The following THSD7B variants were observed in gnomAD, a reference collection of about 807,000 sequenced individuals.
The protein encoded by THSD7B is thrombospondin type 1 domain containing 7B, also known as thrombospondin type-1 domain-containing protein 7B.
A neutral mutation model predicts 213.6 loss-of-function variants in THSD7B; 138 were observed. That is an observed-to-expected ratio of 0.65 (90% confidence interval 0.56 to 0.74). The LOEUF is 0.74. Among genes scored for constraint, THSD7B ranks in the 30% least tolerant of loss-of-function variants. The probability of loss-of-function intolerance (pLI) is 0.00; values close to 1 mark genes in which losing one functional copy is unlikely to be tolerated. For missense variants in THSD7B, 1,931 were observed against 1,991.5 expected (o/e 0.97, Z 0.58); for synonymous variants, 742 against 687.0 (o/e 1.08, Z -1.25).
At chr2:137,672,183 T>C (rs1683592591) in intron 27 of THSD7B, among the ~76,000 whole-genome samples, 1 of 152,214 alleles carries the variant, frequency 6.6e-6, no homozygotes, top group African/African-American at 2.4e-5. Context: ...AAAAATCTAA[T>C]ATTTATATGT....
At chr2:137,055,813 C>T (rs1307665386) in intron 2 of THSD7B, among the ~76,000 whole-genome samples, 1 of 152,140 alleles carries the variant, frequency 6.6e-6, no homozygotes, top group African/African-American at 2.4e-5. Flanking sequence ...TATTTTCATG[C>T]AATTCTCTCT....
chr2:137,655,684 G>A (rs775623841), intron 22 of THSD7B, 24 bp downstream of exon 22: 121 of 1,606,886 alleles, frequency 7.5e-5, no homozygotes, highest in Non-Finnish European at 8.9e-5. Flanking sequence ...GTGATTGGGA[G>A]CGCCTCCCAT....
chr2:136,878,087 C>T (rs2104987693), intron 1 of THSD7B, among the ~76,000 whole-genome samples: 1 of 152,244 alleles, frequency 6.6e-6, no homozygotes, highest in East Asian at 1.9e-4. Context: ...CACCCCACAA[C>T]AGGTCCCAGT....
At chr2:137,460,561 T>C (rs1169234159) in intron 15 of THSD7B, among the ~76,000 whole-genome samples, 1 of 152,140 alleles carries the variant, frequency 6.6e-6, no homozygotes, top group Non-Finnish European at 1.5e-5. Flanking sequence ...AAAGCTGTTG[T>C]CACTGCTTCC....
chr2:136,836,843 T>C (rs948511157), intron 1 of THSD7B, among the ~76,000 whole-genome samples: 4 of 152,184 alleles, frequency 2.6e-5, no homozygotes, highest in Non-Finnish European at 4.4e-5. Context: ...TGATGGGTAT[T>C]AATTTCTGTT....
intron 2 of THSD7B, among the ~76,000 whole-genome samples, chr2:136,899,111 T>G (rs1684017971): frequency 6.6e-6 from 1 of 152,130 alleles, no homozygotes; most frequent in Admixed American, 6.5e-5. Flanking sequence ...AATAGACTAT[T>G]AAGTGATATC....
At chr2:137,473,290 G>C (rs542221099) in intron 15 of THSD7B, among the ~76,000 whole-genome samples, 69 of 151,962 alleles carry the variant, frequency 4.5e-4, no homozygotes, top group Non-Finnish European at 8.7e-4. Flanking sequence ...TGCGATCTCA[G>C]CTCACTGCAG....
intron 17 of THSD7B, among the ~76,000 whole-genome samples, chr2:137,613,652 C>T (rs1682327764): frequency 6.6e-6 from 1 of 152,130 alleles, no homozygotes; most frequent in Non-Finnish European, 1.5e-5. Flanking sequence ...TAGTTATTCA[C>T]ACATCATTTT....
At chr2:137,449,316 A>G (rs551252036) in intron 14 of THSD7B, among the ~76,000 whole-genome samples, 22 of 152,218 alleles carry the variant, frequency 1.4e-4, no homozygotes, top group Non-Finnish European at 2.5e-4. Context: ...AGGAGGGTCT[A>G]AGATAACTGG....
chr2:137,363,829 C>T (rs111290263), intron 12 of THSD7B, among the ~76,000 whole-genome samples: 7,306 of 152,254 alleles, frequency 0.048, 531 homozygotes, highest in African/African-American at 0.16. Context: ...GAGCTGGTAC[C>T]ATTCTTTCTG....
intron 4 of THSD7B, among the ~76,000 whole-genome samples, chr2:137,110,700 A>G (rs1041867244): frequency 1.5e-4 from 23 of 152,208 alleles, no homozygotes; most frequent in African/African-American, 5.5e-4. Flanking sequence ...GAATTTACAC[A>G]ATTAGAGATT....
At position 137,231,061 on chromosome 2, in the gene THSD7B, A is replaced by G. The variant is rs199973142; in HGVS notation, c.1741A>G (p.Ser581Gly). Residue 581 changes from serine to glycine, a missense_variant, in exon 8 of 28, where the codon AGT (serine) becomes GGT (glycine). Ser to Gly is a moderately conservative substitution (Grantham distance 56). Coordinates refer to ENST00000409968, the MANE Select transcript of THSD7B (RefSeq NM_001316349.2). ...GATTGTAGGAGAAGATGTATCAGGGAGTCTTTGCCCAGTTCCCCCTCCTCC... is the reference window on the plus strand; with the variant it reads ...GATTGTAGGAGAAGATGTATCAGGGGGTCTTTGCCCAGTTCCCCCTCCTCC... ...QNDRGEDVSG[S>G]LCPVPPPPER... The G allele has an allele frequency of 6.2e-6, 10 of 1,613,324 alleles. No individual in the cohort carries two copies. Among genetic ancestry groups the G allele is most frequent in the Middle Eastern group, 1.7e-4 (1 of 5,860 alleles).
chr2:137,547,422 T>G (rs1680763196), intron 15 of THSD7B, among the ~76,000 whole-genome samples: 1 of 152,008 alleles, frequency 6.6e-6, no homozygotes, highest in African/African-American at 2.4e-5. Context: ...TATACTTTTC[T>G]ACAGTAGAAG....
chr2:137,271,424 T>TATATAATATATATAATATAATATATA lies in THSD7B; in HGVS notation c.2267-1096_2267-1071dup, dbSNP rs1558737540. 3.7e-4 allele frequency among the ~76,000 whole-genome samples: 50 copies of TATATAATATATATAATATAATATATA among 135,908 alleles called. 2 individuals are homozygous for TATATAATATATATAATATAATATATA. The highest frequency in any genetic ancestry group is 5.8e-4 in the Non-Finnish European group (38 of 65,130). The allele number at this position is 135,908 out of a possible 152,430, so 89.2% of individuals were successfully genotyped here. On this transcript the variant is annotated intron_variant, in intron 10 of 27. Coordinates refer to ENST00000409968, the MANE Select transcript of THSD7B (RefSeq NM_001316349.2). ...ATATATATGAATTATAATATATAATTATATAATATATATAATATAATATAT... is the reference window on the plus strand; with the variant it reads ...ATATATATGAATTATAATATATAATTATATAATATATATAATATAATATATAATATAATATATATAATATAATATAT...
chr2:137,002,082 C>T (rs115907783), intron 2 of THSD7B, among the ~76,000 whole-genome samples: 46 of 152,146 alleles, frequency 3.0e-4, no homozygotes, highest in Non-Finnish European at 5.9e-4. Flanking sequence ...TTTTGCCTTC[C>T]GCATATGACT....
rs151139662 is a variant in THSD7B at position 137,212,912 on chromosome 2, C to T, written c.1724-18132C>T. On this transcript the variant is annotated intron_variant, in intron 7 of 27. Coordinates refer to ENST00000409968, the MANE Select transcript of THSD7B (RefSeq NM_001316349.2). ...CAAAGTAGAACTAGAATACTTTCCT[C>T]GATAGTTGATACTGGATAAAAGTTC... Among the ~76,000 whole-genome samples, 53 of 151,084 alleles carry T rather than the reference C, an allele frequency of 3.5e-4. No homozygotes were observed. The East Asian group carries it at 9.8e-3, about 28-fold the overall frequency.
chr2:137,302,864 A>G (rs1045579826), intron 12 of THSD7B, among the ~76,000 whole-genome samples: 2 of 152,132 alleles, frequency 1.3e-5, no homozygotes, highest in Non-Finnish European at 2.9e-5. Flanking sequence ...GAGAAGAAAA[A>G]CAGTACAATC....
At chr2:137,430,470 A>G (rs928625651) in intron 14 of THSD7B, among the ~76,000 whole-genome samples, 5 of 152,210 alleles carry the variant, frequency 3.3e-5, no homozygotes, top group Non-Finnish European at 7.3e-5. Context: ...AAGTAAAAAT[A>G]CATTTACCCA....
chr2:137,214,767 C>T (rs964561095), intron 7 of THSD7B, among the ~76,000 whole-genome samples: 16 of 152,044 alleles, frequency 1.1e-4, no homozygotes, highest in African/African-American at 3.6e-4. Context: ...TGAGCGCATC[C>T]TTTTTTTATG....
Sources: gnomAD v4.1 joint callset for allele counts (sites outside exome capture counted in the v4.1 genomes callset) on GRCh38, gnomAD v4.1.1 for gene constraint, MANE v1.5 for transcripts, NCBI Gene and HGNC (gene_info 2026-07-23, HGNC 2026-07-21) for gene names.